Variants in LRIG1 observed in about 807,000 individuals in gnomAD.
LRIG1 encodes the protein leucine rich repeats and immunoglobulin like domains 1.
Under a neutral mutation model 99.2 loss-of-function variants are expected in LRIG1, and 48 were observed. The ratio of observed to expected loss-of-function variants is 0.48; its 90% CI spans 0.38 to 0.62. The LOEUF (loss-of-function observed/expected upper bound fraction) is 0.62, where lower values mean the gene tolerates loss of function less well. LRIG1 is among the 20% of genes least tolerant of loss of function. The probability of loss-of-function intolerance (pLI) is 0.00; values close to 1 mark genes in which losing one functional copy is unlikely to be tolerated. For synonymous variants in LRIG1, 772 were observed against 596.1 expected (o/e 1.29, Z -4.30); for missense variants, 1,646 against 1,434.4 (o/e 1.15, Z -2.38).
chr3:66,390,777 C>T (rs1174956868), intron 12 of LRIG1, among the ~76,000 whole-genome samples: 16 of 152,078 alleles, frequency 1.1e-4, no homozygotes, highest in Admixed American at 7.2e-4. Flanking sequence ...TTTGATATGA[C>T]ATCAAAAGCA....
chr3:66,382,892 C>G (rs2107924980), intron 15 of LRIG1, 90 bp downstream of exon 15: 7 of 1,255,158 alleles, frequency 5.6e-6, no homozygotes, highest in Middle Eastern at 2.7e-4. Context: ...CAGTGCAATT[C>G]TTTCAAAAGC....
At chr3:66,476,306 A>G (rs901010137) in intron 1 of LRIG1, among the ~76,000 whole-genome samples, 7 of 152,192 alleles carry the variant, frequency 4.6e-5, no homozygotes, top group Non-Finnish European at 8.8e-5. Flanking sequence ...GTGAAGCTCA[A>G]ATAGCCCTGT....
chr3:66,450,832 A>G (rs1703882289), intron 3 of LRIG1, among the ~76,000 whole-genome samples: 1 of 152,230 alleles, frequency 6.6e-6, no homozygotes, highest in Non-Finnish European at 1.5e-5. Flanking sequence ...AATCTGGCAG[A>G]GAAAACTGTT....
chr3:66,423,914 T>G (rs1702896565), intron 3 of LRIG1, among the ~76,000 whole-genome samples: 1 of 152,208 alleles, frequency 6.6e-6, no homozygotes, highest in Admixed American at 6.5e-5. Flanking sequence ...GTCATGCTTG[T>G]GTCATCAGAG....
chr3:66,408,215 G>A (rs1702345557), intron 7 of LRIG1, among the ~76,000 whole-genome samples: 1 of 152,092 alleles, frequency 6.6e-6, no homozygotes, highest in East Asian at 1.9e-4. Context: ...GGGATAGGAA[G>A]ATGGAAAATA....
intron 1 of LRIG1, among the ~76,000 whole-genome samples, chr3:66,489,419 G>A (rs1701049374): frequency 6.6e-6 from 1 of 152,150 alleles, no homozygotes; most frequent in Non-Finnish European, 1.5e-5. Context: ...CTACTCAGTA[G>A]ACTGAGGTAG....
chr3:66,469,026 C>T (rs1276109666), intron 1 of LRIG1: 1 of 152,102 alleles, frequency 6.6e-6, no homozygotes, highest in Non-Finnish European at 1.5e-5. Context: ...AACCAAAAAC[C>T]ACAACTGAAC....
rs75770856 is a variant in LRIG1 at position 66,448,766 on chromosome 3, T to C, written c.365+2793A>G. ...TCTCTCTGCATATTTTGATTATTTT[T>C]TTCTGATCCTCTGTCTGCCCACAAA... On this transcript the variant is annotated intron_variant, in intron 3 of 18. Coordinates refer to ENST00000273261, the MANE Select transcript of LRIG1 (RefSeq NM_015541.3). 2.9e-3 allele frequency among the ~76,000 whole-genome samples: 447 copies of C among 152,346 alleles called. 2 individuals carry two copies. Among genetic ancestry groups the C allele is most frequent in the East Asian group, 0.013 (66 of 5,174 alleles).
In LRIG1 at chr3:66,401,328, G is replaced by T. The variant is rs1448025327; in HGVS notation, c.1161-2287C>A. Among the ~76,000 whole-genome samples, 3 of 152,174 alleles carry T rather than the reference G, an allele frequency of 2.0e-5. No individual in the cohort carries two copies. The East Asian group carries it at 5.8e-4, about 29-fold the overall frequency. On this transcript the variant is annotated intron_variant, in intron 9 of 18. Coordinates refer to ENST00000273261, the MANE Select transcript of LRIG1 (RefSeq NM_015541.3). Reference sequence around the variant, plus strand: ...CACTGCACCCCGAGCGCTTCAGAGAGCACTGCCAACTTCTACTCTTACTCA... The same window carrying T: ...CACTGCACCCCGAGCGCTTCAGAGATCACTGCCAACTTCTACTCTTACTCA...
At chr3:66,403,714 A>C (rs1199251151) in intron 9 of LRIG1, among the ~76,000 whole-genome samples, 2 of 152,210 alleles carry the variant, frequency 1.3e-5, no homozygotes, top group Non-Finnish European at 2.9e-5. Context: ...TTCTGTATTG[A>C]GACAGAGCCT....
At chr3:66,469,887 T>C (rs939865798) in intron 1 of LRIG1, among the ~76,000 whole-genome samples, 10 of 117,690 alleles carry the variant, frequency 8.5e-5, no homozygotes, top group African/African-American at 2.7e-4. Context: ...CTGGGCAACA[T>C]AGTGAGACCC....
intron 2 of LRIG1, among the ~76,000 whole-genome samples, chr3:66,454,226 A>T (rs1703997219): frequency 6.6e-6 from 1 of 152,140 alleles, no homozygotes. Context: ...TAGCTCCACC[A>T]CTGCTGGCTC....
chr3:66,482,176 C>T (rs543239803), intron 1 of LRIG1, among the ~76,000 whole-genome samples: 6 of 152,356 alleles, frequency 3.9e-5, no homozygotes, highest in African/African-American at 1.4e-4. Flanking sequence ...CTCCGCAACA[C>T]GCGTCCACAT....
At chr3:66,435,274 G>C (rs183258679) in intron 3 of LRIG1, among the ~76,000 whole-genome samples, 4 of 152,172 alleles carry the variant, frequency 2.6e-5, no homozygotes, top group East Asian at 1.9e-4. Context: ...GTCAACCAGG[G>C]GGGGCTAGGC....
intron 3 of LRIG1, among the ~76,000 whole-genome samples, 192 bp downstream of exon 3, chr3:66,451,367 C>T (rs1703899432): frequency 6.6e-6 from 1 of 151,794 alleles, no homozygotes; most frequent in Non-Finnish European, 1.5e-5. Context: ...GGTAAAACTT[C>T]CAGCGTTTAA....
chr3:66,459,421 C>T (rs1700306535), intron 2 of LRIG1, among the ~76,000 whole-genome samples: 1 of 152,236 alleles, frequency 6.6e-6, no homozygotes, highest in African/African-American at 2.4e-5. Flanking sequence ...TCTGGCCACG[C>T]ACCCCTCCAT....
Position 66,381,568 on chromosome 3 carries a change from T to G in LRIG1, c.2681A>C (p.Gln894Pro), listed in dbSNP as rs751438114. The G allele has an allele frequency of 2.5e-6, 4 of 1,614,172 alleles. No individual in the cohort carries two copies. The East Asian group carries it at 8.9e-5, about 36-fold the overall frequency. ...CGCAGACCCAGCACAGAGCTTTGGC[T>G]GCCTGCAGGCAACGCTGTGAGTGTC... ...EPDTHSVACR[Q>P]PKLCAGSAYH... is the part of the protein sequence containing the mutation. The change falls in exon 17 of 19, where the codon CAG (glutamine) becomes CCG (proline). Residue 894 changes from glutamine to proline, a missense_variant. Physicochemically the swap from Gln to Pro is moderately conservative, Grantham distance 76 (BLOSUM62 -1). Coordinates refer to ENST00000273261, the MANE Select transcript of LRIG1 (RefSeq NM_015541.3).
chr3:66,412,255 G>A (rs1231081001), intron 6 of LRIG1, among the ~76,000 whole-genome samples: 1 of 152,118 alleles, frequency 6.6e-6, no homozygotes, highest in Non-Finnish European at 1.5e-5. Flanking sequence ...TGGCCCACCT[G>A]CACCTCAGGA....
rs76742554 is a variant in LRIG1, at chr3:66,499,672, T to A, written c.218+518A>T. On this transcript the variant is annotated intron_variant, in intron 1 of 18. Coordinates refer to ENST00000273261, the MANE Select transcript of LRIG1 (RefSeq NM_015541.3). The stretch of plus-strand genomic sequence containing the variant: ...GACGGCTACACACACTATCAACTAA[T>A]AAATAATGTAAACGAAAGACTGGAC... 2.0e-4 allele frequency among the ~76,000 whole-genome samples: 31 copies of A among 152,036 alleles called. No homozygotes were observed. In the East Asian group the frequency reaches 5.8e-3, roughly 29 times the overall value.
Sources: gnomAD v4.1 joint callset for allele counts (sites outside exome capture counted in the v4.1 genomes callset) on GRCh38, gnomAD v4.1.1 for gene constraint, MANE v1.5 for transcripts, NCBI Gene and HGNC (gene_info 2026-07-23, HGNC 2026-07-21) for gene names.